The following ANO2 variants were observed in gnomAD, a reference collection of about 807,000 sequenced individuals.
ANO2 encodes anoctamin 2.
ANO2 carries 101 observed loss-of-function variants against 124.2 expected under a neutral mutation model. The ratio of observed to expected loss-of-function variants is 0.81; its 90% CI spans 0.69 to 0.96. The LOEUF (loss-of-function observed/expected upper bound fraction) is 0.96, where lower values mean the gene tolerates loss of function less well. ANO2 is among the 40% of genes least tolerant of loss of function. ANO2 has a pLI of 0.00. For missense variants in ANO2, 1,293 were observed against 1,274.5 expected, an observed-to-expected ratio of 1.01 and a Z score of -0.22; for synonymous variants, 486 against 482.5, an observed-to-expected ratio of 1.01 and a Z score of -0.09.
In ANO2 at chr12:5,588,205, G is replaced by A. The variant is rs73265157; in HGVS notation, c.2234-9687C>T. ...GTCTAGCCAGTCGGGAAGGAAGGAGGAAGCCTCACTTCATTCCATCCTTCC... is the reference window on the plus strand; with the variant it reads ...GTCTAGCCAGTCGGGAAGGAAGGAGAAAGCCTCACTTCATTCCATCCTTCC... On this transcript the variant is annotated intron_variant, in intron 20 of 24. Transcript: ENST00000682330. Among the ~76,000 whole-genome samples the A allele has an allele frequency of 1.5e-3, 227 of 150,442 alleles. 1 individual carries two copies. The highest frequency in any genetic ancestry group is 4.4e-3 in the African/African-American group (178 of 40,862).
chr12:5,694,251 C>CAGAGAGAGAGAGAG (rs5796182), intron 14 of ANO2, among the ~76,000 whole-genome samples: 2,692 of 133,848 alleles, frequency 0.02, 60 homozygotes, highest in Admixed American at 0.038. Flanking sequence ...TTACCAGAGA[C>CAGAGAGAGAGAGAG]AGAGAGAGAG....
chr12:5,714,684 C>T (rs1297528322), intron 14 of ANO2, among the ~76,000 whole-genome samples: 2 of 152,200 alleles, frequency 1.3e-5, no homozygotes, highest in Non-Finnish European at 2.9e-5. Context: ...TCTTCCTCCT[C>T]TTCTTCCCTT....
rs1421050686 is a variant in ANO2 at position 5,563,361 on chromosome 12, G to A, written c.2935C>T (p.Pro979Ser). The part of the protein sequence containing the change: ...RSRSRAASSA[P>S]SGQSQLGSMM... ...CTGCCCAGCTGGCTTTGGCCTGAAG[G>A]TGCTGAGCTGGCTGCCCGGCTCCTG... The change falls in exon 25 of 25, where the codon CCT becomes TCT. Residue 979 changes from proline (P) to serine (S), a missense_variant. Pro to Ser is a moderately conservative substitution (Grantham distance 74, BLOSUM62 -1). Transcript: ENST00000682330. 2.5e-6 allele frequency: 4 copies of A among 1,605,580 alleles called. No homozygotes were observed. The African/African-American group carries it at 4.0e-5, about 16-fold the overall frequency.
chr12:5,732,391 C>G (rs994724146), intron 14 of ANO2, 129 bp downstream of exon 14: 1 of 691,044 alleles, frequency 1.4e-6, no homozygotes. Flanking sequence ...ATGTCATGCT[C>G]TCATCTCATC....
At chr12:5,929,257 A>G (rs368200392) in intron 1 of ANO2, among the ~76,000 whole-genome samples, 8 of 115,456 alleles carry the variant, frequency 6.9e-5, no homozygotes, top group Middle Eastern at 6.0e-3. Context: ...TTCCTTTTCT[A>G]TCTTCTTTCC....
chr12:5,905,157 G>A (rs1940585975), intron 3 of ANO2, among the ~76,000 whole-genome samples: 1 of 152,142 alleles, frequency 6.6e-6, no homozygotes, highest in Admixed American at 6.5e-5. Flanking sequence ...GAGGCTGGGG[G>A]ATAACGCTGA....
chr12:5,819,302 A>G (rs1262386747), intron 7 of ANO2, among the ~76,000 whole-genome samples: 1 of 152,194 alleles, frequency 6.6e-6, no homozygotes, highest in Non-Finnish European at 1.5e-5. Context: ...ACTACATTAG[A>G]AAAGAACTGC....
chr12:5,713,384 GATA>G (rs1434630204), intron 14 of ANO2, among the ~76,000 whole-genome samples: 1 of 152,148 alleles, frequency 6.6e-6, no homozygotes, highest in Non-Finnish European at 1.5e-5. Context: ...CACGTATATA[GATA>G]TGAGATAAAC....
intron 14 of ANO2, among the ~76,000 whole-genome samples, chr12:5,655,967 G>C (rs973321243): frequency 1.9e-4 from 29 of 152,234 alleles, no homozygotes; most frequent in Admixed American, 1.3e-4. Context: ...GAGAGTTCAA[G>C]TAAGTTAAGA....
chr12:5,635,718 T>G lies in ANO2; in HGVS notation c.1621-371A>C, dbSNP rs1292663147. Among the ~76,000 whole-genome samples the G allele has an allele frequency of 6.6e-6, 1 of 151,952 alleles. No homozygotes were observed. Among genetic ancestry groups the G allele is most frequent in the African/African-American group, 2.4e-5 (1 of 41,346 alleles). On this transcript the variant is annotated intron_variant, in intron 15 of 24. Transcript: ENST00000682330. This position sits in a 1 kb window ranked among gnomAD's most constrained non-coding sequence, Gnocchi z 5.2. ...GGGAGCTTTTGATCTTCTAAAGAGATAACATGAACTCCTTTTAAATAAACC... is the reference window on the plus strand; with the variant it reads ...GGGAGCTTTTGATCTTCTAAAGAGAGAACATGAACTCCTTTTAAATAAACC...
intron 7 of ANO2, among the ~76,000 whole-genome samples, chr12:5,825,062 G>A (rs1953915941): frequency 6.6e-6 from 1 of 152,168 alleles, no homozygotes; most frequent in Admixed American, 6.5e-5. Flanking sequence ...GGGGGACACA[G>A]CCAAACCATA....
At chr12:5,933,783 C>T (rs1050326039) in intron 1 of ANO2, among the ~76,000 whole-genome samples, 3 of 152,166 alleles carry the variant, frequency 2.0e-5, no homozygotes, top group African/African-American at 7.2e-5. Flanking sequence ...TGTGCCTCTG[C>T]CTAGGCTGTT....
intron 14 of ANO2, among the ~76,000 whole-genome samples, chr12:5,662,916 C>A (rs775484251): frequency 1.3e-4 from 20 of 152,234 alleles, no homozygotes; most frequent in Non-Finnish European, 2.6e-4. Context: ...CCTGGGAACA[C>A]CCTGAGAGAC....
chr12:5,831,599 A>G (rs1393553881), intron 5 of ANO2, among the ~76,000 whole-genome samples: 1 of 152,202 alleles, frequency 6.6e-6, no homozygotes, highest in Non-Finnish European at 1.5e-5. Flanking sequence ...GCAAGGGGAC[A>G]TGAGGACTCA....
At chr12:5,656,120 C>T (rs1466750981) in intron 14 of ANO2, among the ~76,000 whole-genome samples, 1 of 152,146 alleles carries the variant, frequency 6.6e-6, no homozygotes, top group African/African-American at 2.4e-5. Flanking sequence ...CTATAGTTTG[C>T]TTTCTTAAGA....
chr12:5,826,004 C>A (rs2137207279), intron 7 of ANO2, among the ~76,000 whole-genome samples: 1 of 152,338 alleles, frequency 6.6e-6, no homozygotes. Context: ...TGCCAATTGT[C>A]ATGAGTATTT....
At chr12:5,763,286 G>C (rs1051945193) in intron 10 of ANO2, among the ~76,000 whole-genome samples, 1 of 151,982 alleles carries the variant, frequency 6.6e-6, no homozygotes, top group Non-Finnish European at 1.5e-5. Flanking sequence ...TGAATTATGT[G>C]AGCATATTAA....
intron 20 of ANO2, among the ~76,000 whole-genome samples, chr12:5,579,431 G>A (rs1942611074): frequency 6.6e-6 from 1 of 152,144 alleles, no homozygotes; most frequent in Admixed American, 6.5e-5. Context: ...GTTTTCTTGA[G>A]GATTAAGTCA....
chr12:5,710,049 G>A (rs1016843052), intron 14 of ANO2, among the ~76,000 whole-genome samples: 4 of 152,242 alleles, frequency 2.6e-5, no homozygotes, highest in African/African-American at 9.6e-5. Context: ...CAGGAGGCTC[G>A]TGAGTGAAGA....
Sources: gnomAD v4.1 joint callset for allele counts (sites outside exome capture counted in the v4.1 genomes callset) on GRCh38, gnomAD v4.1.1 for gene constraint, Gnocchi (gnomAD v3.1) non-coding constraint, MANE v1.5 for transcripts, NCBI Gene and HGNC (gene_info 2026-07-23, HGNC 2026-07-21) for gene names.